RANBP17: variants seen among roughly 807,000 people sequenced by gnomAD.
The protein encoded by RANBP17 is RAN binding protein 17, also known as ran-binding protein 17.
A neutral mutation model predicts 141.2 loss-of-function variants in RANBP17; 158 were observed. That is an observed-to-expected ratio of 1.12 (90% CI 0.98 to 1.28). RANBP17 has a LOEUF of 1.28. Ranked by LOEUF, RANBP17 falls within the 50% of genes most tolerant of loss-of-function variation. RANBP17 has a pLI of 0.00. For synonymous variants in RANBP17, 430 were observed against 450.0 expected, an observed-to-expected ratio of 0.96 and a Z score of 0.56; for missense variants, 1,438 against 1,290.7, an observed-to-expected ratio of 1.11 and a Z score of -1.75.
intron 14 of RANBP17, among the ~76,000 whole-genome samples, chr5:171,112,886 A>G (rs942112177): frequency 6.6e-6 from 1 of 152,168 alleles, no homozygotes; most frequent in Non-Finnish European, 1.5e-5. Flanking sequence ...GAAACAAAGT[A>G]GGAAAAATCC....
chr5:170,863,836 A>G (rs1767018157), intron 1 of RANBP17, among the ~76,000 whole-genome samples: 1 of 150,634 alleles, frequency 6.6e-6, no homozygotes, highest in Non-Finnish European at 1.5e-5. Context: ...GCAGGAATGT[A>G]CTTCACAGTA....
At chr5:171,048,157 G>A (rs529383382) in intron 14 of RANBP17, among the ~76,000 whole-genome samples, 30 of 151,900 alleles carry the variant, frequency 2.0e-4, no homozygotes, top group African/African-American at 7.0e-4. Context: ...TGATCTCTTG[G>A]GTTCAAGTGA....
intron 14 of RANBP17, among the ~76,000 whole-genome samples, chr5:171,109,359 A>C (rs1755059660): frequency 6.6e-6 from 1 of 152,204 alleles, no homozygotes; most frequent in Non-Finnish European, 1.5e-5. Flanking sequence ...TAGTTTTAGA[A>C]ATAATGTTTT....
At chr5:171,117,618 C>T (rs1471268728) in intron 14 of RANBP17, among the ~76,000 whole-genome samples, 3 of 151,976 alleles carry the variant, frequency 2.0e-5, no homozygotes, top group Admixed American at 1.3e-4. Flanking sequence ...CTCAGCCTCC[C>T]GAGTAGCTAG....
chr5:170,898,765 A>G (rs185665530), intron 5 of RANBP17, among the ~76,000 whole-genome samples: 20 of 152,326 alleles, frequency 1.3e-4, no homozygotes, highest in African/African-American at 4.8e-4. Flanking sequence ...AACACTATTT[A>G]TTAAATAGGG....
At chr5:171,201,893 T>A (rs1376005156) in intron 19 of RANBP17, among the ~76,000 whole-genome samples, 2 of 152,230 alleles carry the variant, frequency 1.3e-5, no homozygotes, top group Non-Finnish European at 2.9e-5. Flanking sequence ...GTACTAGAGA[T>A]AAAAACATTT....
In RANBP17 at chr5:171,298,898, G is replaced by A; in HGVS notation, c.*40G>A. The A allele has an allele frequency of 6.6e-7, 1 of 1,506,856 alleles. No homozygotes were observed. Among genetic ancestry groups the A allele is most frequent in the Non-Finnish European group, 9.2e-7 (1 of 1,083,184 alleles). The allele number at this position is 1,506,856 out of a possible 1,614,324, so 93.3% of individuals were successfully genotyped here. Reference sequence around the variant, plus strand: ...CCATGTGCGGAGCAGCCTTTATCAAGAGACTCCTGAAGGTCTGGGTCTCAG... The same window carrying A: ...CCATGTGCGGAGCAGCCTTTATCAAAAGACTCCTGAAGGTCTGGGTCTCAG... On this transcript the variant is annotated 3_prime_UTR_variant, in exon 28 of 28. Coordinates refer to ENST00000523189, the MANE Select transcript of RANBP17 (RefSeq NM_022897.5).
chr5:171,165,803 G>A (rs1294060845), intron 14 of RANBP17, among the ~76,000 whole-genome samples: 1 of 152,114 alleles, frequency 6.6e-6, no homozygotes, highest in Non-Finnish European at 1.5e-5. Context: ...TAACAGGCTG[G>A]CAAGGTTTCA....
chr5:171,043,741 T>C (rs570687037), intron 14 of RANBP17, among the ~76,000 whole-genome samples: 1 of 152,272 alleles, frequency 6.6e-6, no homozygotes, highest in South Asian at 2.1e-4. Flanking sequence ...CAGAAGCTCC[T>C]GGCACCTGCC....
intron 18 of RANBP17, among the ~76,000 whole-genome samples, chr5:171,190,610 A>C (rs888829059): frequency 3.3e-5 from 5 of 152,190 alleles, no homozygotes; most frequent in Admixed American, 1.3e-4. Flanking sequence ...GGTTATTTAA[A>C]ATTAACTTGG....
chr5:171,256,573 A>T (rs1009604696), intron 24 of RANBP17, among the ~76,000 whole-genome samples: 1 of 152,194 alleles, frequency 6.6e-6, no homozygotes, highest in Non-Finnish European at 1.5e-5. Context: ...ATCAGAGCAG[A>T]GCTAAATGAA....
chr5:171,242,938 G>T, intron 24 of RANBP17, 118 bp downstream of exon 24: 1 of 897,520 alleles, frequency 1.1e-6, no homozygotes, highest in Non-Finnish European at 1.7e-6. Flanking sequence ...AACCCAAACT[G>T]AAAGATTATA....
intron 24 of RANBP17, among the ~76,000 whole-genome samples, chr5:171,254,899 C>G (rs751795331): frequency 2.0e-5 from 3 of 152,158 alleles, no homozygotes; most frequent in Non-Finnish European, 4.4e-5. Context: ...TGTTTTTAGT[C>G]TGCTGCTATT....
Position 171,104,616 on chromosome 5 carries a change from G to A in RANBP17, c.1711-65514G>A, listed in dbSNP as rs1754649545. Among the ~76,000 whole-genome samples the A allele has an allele frequency of 4.6e-5, 7 of 152,162 alleles. No individual in the cohort carries two copies. In the South Asian group the frequency reaches 1.4e-3, roughly 31 times the overall value. On this transcript the variant is annotated intron_variant, in intron 14 of 27. Transcript: ENST00000523189. Reference sequence around the variant, plus strand: ...GCTTTTGAATAATGATAGTGGTCAAGAGCTTGAACTAAGTAGTTAGACAAA... The same window carrying A: ...GCTTTTGAATAATGATAGTGGTCAAAAGCTTGAACTAAGTAGTTAGACAAA...
chr5:170,959,292 T>C (rs765961317), intron 13 of RANBP17, among the ~76,000 whole-genome samples: 34 of 152,146 alleles, frequency 2.2e-4, no homozygotes, highest in Non-Finnish European at 4.4e-4. Context: ...TCAGATAATA[T>C]TTCTCCCATT....
intron 14 of RANBP17, among the ~76,000 whole-genome samples, chr5:171,096,849 G>T (rs1786729863): frequency 6.6e-6 from 1 of 152,124 alleles, no homozygotes; most frequent in African/African-American, 2.4e-5. Flanking sequence ...ACAAAACTCT[G>T]TGAAGAAGGG....
At chr5:171,190,643 A>G (rs956756341) in intron 18 of RANBP17, among the ~76,000 whole-genome samples, 2 of 152,214 alleles carry the variant, frequency 1.3e-5, no homozygotes, top group Non-Finnish European at 2.9e-5. Flanking sequence ...ACTAAAGGAA[A>G]GATAGTATTA....
At chr5:171,080,072 C>T (rs972709167) in intron 14 of RANBP17, among the ~76,000 whole-genome samples, 2 of 152,036 alleles carry the variant, frequency 1.3e-5, no homozygotes, top group Non-Finnish European at 2.9e-5. Context: ...CCACTCATGC[C>T]TGGAAGAAAA....
At chr5:170,880,850 A>T (rs1224567787) in intron 2 of RANBP17, among the ~76,000 whole-genome samples, 1 of 152,218 alleles carries the variant, frequency 6.6e-6, no homozygotes, top group South Asian at 2.1e-4. Flanking sequence ...GGTATGTGTC[A>T]TGTCATGACA....
Sources: gnomAD v4.1 joint callset for allele counts (sites outside exome capture counted in the v4.1 genomes callset) on GRCh38, gnomAD v4.1.1 for gene constraint, MANE v1.5 for transcripts, NCBI Gene and HGNC (gene_info 2026-07-23, HGNC 2026-07-21) for gene names.